MCM9: variants seen among roughly 807,000 people sequenced by gnomAD.
MCM9 encodes DNA helicase MCM9.
MCM9 carries 55 observed loss-of-function variants against 72.8 expected under a neutral mutation model. The ratio of observed to expected loss-of-function variants is 0.76; its 90% CI spans 0.61 to 0.95. MCM9 has a LOEUF of 0.95. Ranked by LOEUF, MCM9 falls within the 40% of genes least tolerant of loss-of-function variation. MCM9 has a pLI of 0.00. For missense variants in MCM9, 1,279 were observed against 1,377.0 expected, an observed-to-expected ratio of 0.93 and a Z score of 1.13; for synonymous variants, 480 against 503.4, an observed-to-expected ratio of 0.95 and a Z score of 0.62.
At chr6:118,892,871 A>G (rs1484570931) in intron 8 of MCM9, among the ~76,000 whole-genome samples, 2 of 152,222 alleles carry the variant, frequency 1.3e-5, no homozygotes, top group African/African-American at 2.4e-5. Flanking sequence ...TTAACTTTCA[A>G]AAGACCATCA....
At chr6:118,880,654 A>C (rs528345437) in intron 8 of MCM9, among the ~76,000 whole-genome samples, 12 of 152,218 alleles carry the variant, frequency 7.9e-5, no homozygotes, top group Non-Finnish European at 1.8e-4. Flanking sequence ...AAGAAGAGGG[A>C]AATAAATAGT....
chr6:118,910,926 G>T (rs1183358372), intron 8 of MCM9: 9 of 985,288 alleles, frequency 9.1e-6, no homozygotes, highest in Non-Finnish European at 1.1e-5. Context: ...AAGTTAATCT[G>T]ACTCCCTTAA....
chr6:118,819,707 C>G (rs1401097578), intron 13 of MCM9, among the ~76,000 whole-genome samples: 1 of 152,184 alleles, frequency 6.6e-6, no homozygotes, highest in Non-Finnish European at 1.5e-5. Flanking sequence ...ACCAGCTCCT[C>G]TTTGTACCTC....
intron 8 of MCM9, chr6:118,908,191 G>C (rs1780302491): frequency 6.6e-6 from 1 of 152,080 alleles, no homozygotes. Context: ...ATGAGATGTT[G>C]GACAGCATTT....
At chr6:118,933,359 A>G (rs2114477334) in intron 1 of MCM9, among the ~76,000 whole-genome samples, 1 of 152,154 alleles carries the variant, frequency 6.6e-6, no homozygotes, top group Non-Finnish European at 1.5e-5. Flanking sequence ...AAAAAAAATT[A>G]GCTGGGCGTG....
intron 9 of MCM9, among the ~76,000 whole-genome samples, chr6:118,840,464 G>A (rs1775274656): frequency 6.6e-6 from 1 of 151,984 alleles, no homozygotes; most frequent in Admixed American, 6.6e-5. Context: ...CAGTTCCTTT[G>A]GCTACGGCAA....
At chr6:118,913,868 T>C (rs1314770954) in intron 6 of MCM9, among the ~76,000 whole-genome samples, 2 of 152,154 alleles carry the variant, frequency 1.3e-5, no homozygotes, top group East Asian at 1.9e-4. Flanking sequence ...CCCAAAGTGC[T>C]GGGATTACCA....
intron 9 of MCM9, among the ~76,000 whole-genome samples, chr6:118,830,795 G>A (rs1195738035): frequency 6.6e-6 from 1 of 152,082 alleles, no homozygotes; most frequent in African/African-American, 2.4e-5. Context: ...CATTTCCTTT[G>A]TGCAAAAAGC....
rs527767687 is a variant in MCM9 at position 118,870,784 on chromosome 6, T to C, written c.1151-14239A>G. On this transcript the variant is annotated intron_variant, in intron 8 of 13. Coordinates refer to ENST00000619706, the MANE Select transcript of MCM9 (RefSeq NM_017696.3). Reference sequence around the variant, plus strand: ...GAAATGAAAAGGACATTATAACTGATAATACAGAAATATGAAGGATTATAA... The same window carrying C: ...GAAATGAAAAGGACATTATAACTGACAATACAGAAATATGAAGGATTATAA... 3.9e-5 allele frequency among the ~76,000 whole-genome samples: 6 copies of C among 152,190 alleles called. No homozygotes were observed. In the East Asian group the frequency reaches 1.2e-3, roughly 29 times the overall value.
chr6:118,886,515 C>T (rs1190224970), intron 8 of MCM9, among the ~76,000 whole-genome samples: 1 of 150,964 alleles, frequency 6.6e-6, no homozygotes, highest in Non-Finnish European at 1.5e-5. Context: ...GCTAGACTGA[C>T]AGATACCAAA....
chr6:118,890,386 T>C (rs1340152638), intron 8 of MCM9, among the ~76,000 whole-genome samples: 1 of 152,218 alleles, frequency 6.6e-6, no homozygotes, highest in Admixed American at 6.5e-5. Flanking sequence ...TATCTTACCC[T>C]CCTGCCATTC....
intron 8 of MCM9, among the ~76,000 whole-genome samples, chr6:118,860,040 C>T (rs1477410594): frequency 6.6e-6 from 1 of 152,196 alleles, no homozygotes; most frequent in Admixed American, 6.5e-5. Context: ...GGCATATTAA[C>T]CACAATTTTC....
intron 7 of MCM9, 60 bp from the exon 8 acceptor site, chr6:118,911,829 C>T (rs368242253): frequency 3.1e-6 from 4 of 1,293,560 alleles, no homozygotes; most frequent in Non-Finnish European, 3.3e-6. Context: ...TTTGGAATGC[C>T]AACAAAATAT....
intron 9 of MCM9, among the ~76,000 whole-genome samples, chr6:118,841,648 T>A (rs1775373515): frequency 6.6e-6 from 1 of 152,182 alleles, no homozygotes; most frequent in African/African-American, 2.4e-5. Flanking sequence ...GCCCTGGCCC[T>A]TCTAGGGCTG....
intron 13 of MCM9, among the ~76,000 whole-genome samples, chr6:118,825,786 A>T (rs1445743307): frequency 6.6e-6 from 1 of 152,176 alleles, no homozygotes; most frequent in African/African-American, 2.4e-5. Context: ...TTAATGAGTC[A>T]TTAGAAAGGT....
chr6:118,873,368 A>G (rs1053002872), intron 8 of MCM9, among the ~76,000 whole-genome samples: 3 of 152,190 alleles, frequency 2.0e-5, no homozygotes, highest in Non-Finnish European at 4.4e-5. Context: ...AGAAAAGATC[A>G]ATAAAATTCA....
chr6:118,894,698 G>A (rs1779228052), intron 8 of MCM9, among the ~76,000 whole-genome samples: 2 of 152,346 alleles, frequency 1.3e-5, no homozygotes, highest in South Asian at 4.1e-4. Flanking sequence ...GCGGCTTTCC[G>A]CCGCAGCCCA....
intron 13 of MCM9, among the ~76,000 whole-genome samples, chr6:118,823,236 G>A (rs542554494): frequency 9.8e-5 from 15 of 152,300 alleles, no homozygotes; most frequent in East Asian, 3.9e-4. Flanking sequence ...CCCTGGTGGT[G>A]TAGGCTCATG....
chr6:118,864,803 G>A (rs1390230620), intron 8 of MCM9, among the ~76,000 whole-genome samples: 1 of 152,152 alleles, frequency 6.6e-6, no homozygotes, highest in Non-Finnish European at 1.5e-5. Flanking sequence ...TAAAATTGTG[G>A]TGGTTTGCTA....
Sources: gnomAD v4.1 joint callset for allele counts (sites outside exome capture counted in the v4.1 genomes callset) on GRCh38, gnomAD v4.1.1 for gene constraint, MANE v1.5 for transcripts, NCBI Gene and HGNC (gene_info 2026-07-23, HGNC 2026-07-21) for gene names.